The following PRKN variants were observed in gnomAD, a reference collection of about 807,000 sequenced individuals.
PRKN encodes the protein parkin RBR E3 ubiquitin protein ligase.
PRKN carries 56 observed loss-of-function variants against 59.5 expected under a neutral mutation model. The ratio of observed to expected loss-of-function variants is 0.94; its 90% CI spans 0.76 to 1.18. PRKN has a LOEUF of 1.18. Ranked by LOEUF, PRKN falls within the 50% of genes most tolerant of loss-of-function variation. PRKN has a pLI of 0.00. For missense variants in PRKN, 657 were observed against 596.4 expected, an observed-to-expected ratio of 1.10 and a Z score of -1.06; for synonymous variants, 250 against 222.1, an observed-to-expected ratio of 1.13 and a Z score of -1.12.
At chr6:161,496,409 G>A (rs1777750202) in intron 9 of PRKN, among the ~76,000 whole-genome samples, 1 of 152,252 alleles carries the variant, frequency 6.6e-6, no homozygotes, top group African/African-American at 2.4e-5. Context: ...ACTCGACACT[G>A]GGTAATTTAT....
chr6:162,276,707 C>A lies in PRKN; in HGVS notation c.172-13942G>T, dbSNP rs12153904. The stretch of plus-strand genomic sequence containing the variant: ...CAGAAGCTGGTGTGTGTGTGTGTGT[C>A]TGTGTGTGTGTGTGTGTGTGTATTT... On this transcript the variant is annotated intron_variant, in intron 2 of 11. Coordinates refer to ENST00000366898, the MANE Select transcript of PRKN (RefSeq NM_004562.3). Among the ~76,000 whole-genome samples, 96 of 144,524 alleles carry A rather than the reference C, an allele frequency of 6.6e-4. 1 individual carries two copies. The East Asian group carries it at 0.016, about 25-fold the overall frequency. 94.8% of individuals were successfully genotyped at this position (144,524 alleles called of 152,430 possible). A position where few individuals can be genotyped will look rare whatever the true frequency, so the allele number is the denominator to read the frequency against.
chr6:162,130,201 A>T (rs1562530403), intron 4 of PRKN, among the ~76,000 whole-genome samples: 1 of 151,702 alleles, frequency 6.6e-6, no homozygotes, highest in Non-Finnish European at 1.5e-5. Flanking sequence ...CACCTTTCGA[A>T]TGCCCACAAA....
chr6:161,613,096 G>A (rs1467779461), intron 7 of PRKN, among the ~76,000 whole-genome samples: 2 of 152,162 alleles, frequency 1.3e-5, no homozygotes, highest in Non-Finnish European at 2.9e-5. Context: ...AAACCTTCTG[G>A]AAAGGATTCA....
rs1415902228 is a variant in PRKN, at chr6:161,757,933, G to GTATATATATA, written c.871+27838_871+27839insTATATATATA. Among the ~76,000 whole-genome samples, 117 of 101,436 alleles carry GTATATATATA rather than the reference G, an allele frequency of 1.2e-3. 4 individuals are homozygous for GTATATATATA. The highest frequency in any genetic ancestry group is 1.1e-3 in the South Asian group (3 of 2,768). The allele number at this position is 101,436 out of a possible 152,430, so 66.5% of individuals were successfully genotyped here. ...CACACACACACACATCTCTCTCTCT[G>GTATATATATA]TATATATATGTATATATATATACAG... On this transcript the variant is annotated intron_variant, in intron 7 of 11. Transcript: ENST00000366898.
intron 7 of PRKN, among the ~76,000 whole-genome samples, chr6:161,615,063 T>C (rs771436144): frequency 6.6e-6 from 1 of 152,136 alleles, no homozygotes; most frequent in Admixed American, 6.6e-5. Context: ...AGAATGAAGA[T>C]GCAAAAATAT....
At position 161,355,567 on chromosome 6, in the gene PRKN, AT is replaced by A. The variant is rs371250115; in HGVS notation, c.1285+4520del. 6.1e-5 allele frequency among the ~76,000 whole-genome samples: 9 copies of A among 148,442 alleles called. No homozygotes were observed. Among genetic ancestry groups the A allele is most frequent in the South Asian group, 2.1e-4 (1 of 4,670 alleles). ...CAGGTGCCTGCCACCACACCTAGCT[AT>A]TTTTTTTTTGTATTTTTACTAGAGA... On this transcript the variant is annotated intron_variant, in intron 11 of 11. Transcript: ENST00000366898. The surrounding 1 kb of genome is among the most constrained non-coding windows in gnomAD (Gnocchi z 6.8).
At chr6:161,830,961 G>C (rs1175884769) in intron 6 of PRKN, among the ~76,000 whole-genome samples, 1 of 152,170 alleles carries the variant, frequency 6.6e-6, no homozygotes, top group Non-Finnish European at 1.5e-5. Flanking sequence ...ACCACAGCAA[G>C]GGACCAGGTC....
At chr6:161,820,606 C>T (rs1356225452) in intron 6 of PRKN, among the ~76,000 whole-genome samples, 2 of 145,988 alleles carry the variant, frequency 1.4e-5, no homozygotes, top group Non-Finnish European at 3.0e-5. Context: ...AATATAATTA[C>T]ATAATATACA....
rs149618829 is a variant in PRKN at position 161,359,532 on chromosome 6, C to T, written c.1285+556G>A. Among the ~76,000 whole-genome samples, 8 of 152,346 alleles carry T rather than the reference C, an allele frequency of 5.3e-5. No homozygotes were observed. The highest frequency in any genetic ancestry group is 8.8e-5 in the Non-Finnish European group (6 of 68,034). ...GTGCATCACATTGAGAAAGGGCTCT[C>T]GGACCACTGGTTGTGATGGCTTTGC... On this transcript the variant is annotated intron_variant, in intron 11 of 11. Transcript: ENST00000366898. The surrounding 1 kb of genome is among the most constrained non-coding windows in gnomAD (Gnocchi z 5.4).
At chr6:162,309,631 C>T (rs12663189) in intron 2 of PRKN, among the ~76,000 whole-genome samples, 64,515 of 151,888 alleles carry the variant, frequency 0.42, 15,294 homozygotes, top group Middle Eastern at 0.54. Context: ...TTACACTGTG[C>T]GTAAGCTGTA....
intron 7 of PRKN, among the ~76,000 whole-genome samples, chr6:161,753,745 G>A (rs976675977): frequency 5.9e-5 from 9 of 152,208 alleles, no homozygotes; most frequent in African/African-American, 1.9e-4. Flanking sequence ...TTCTCTCCTG[G>A]TAATGGGAAC....
chr6:162,203,474 A>G (rs918749486), intron 3 of PRKN, among the ~76,000 whole-genome samples: 1 of 152,154 alleles, frequency 6.6e-6, no homozygotes, highest in Admixed American at 6.6e-5. Flanking sequence ...AAATCTTGAG[A>G]GCCCCTCCAG....
chr6:162,710,820 G>A (rs1188705253), intron 1 of PRKN, among the ~76,000 whole-genome samples: 1 of 152,124 alleles, frequency 6.6e-6, no homozygotes, highest in East Asian at 1.9e-4. Flanking sequence ...GGAGAAAAAT[G>A]AACAGCTGAA....
At chr6:161,714,062 C>T (rs918343630) in intron 7 of PRKN, among the ~76,000 whole-genome samples, 14 of 152,134 alleles carry the variant, frequency 9.2e-5, no homozygotes, top group Non-Finnish European at 1.5e-4. Context: ...ATTATCCAGC[C>T]TCAGGTATGT....
At chr6:161,960,381 A>G (rs1178670545) in intron 6 of PRKN, among the ~76,000 whole-genome samples, 1 of 152,182 alleles carries the variant, frequency 6.6e-6, no homozygotes, top group Non-Finnish European at 1.5e-5. Flanking sequence ...AAGACATCCA[A>G]ATCTTAGCAG....
intron 1 of PRKN, among the ~76,000 whole-genome samples, chr6:162,443,771 T>C (rs759278630): frequency 3.9e-5 from 6 of 152,138 alleles, no homozygotes; most frequent in Middle Eastern, 3.2e-3. Context: ...ACTTGCTTGA[T>C]TGGAATTGAA....
intron 2 of PRKN, among the ~76,000 whole-genome samples, chr6:162,288,721 A>G (rs1343099140): frequency 6.6e-6 from 1 of 152,130 alleles, no homozygotes; most frequent in East Asian, 1.9e-4. Context: ...GCCCACAAAC[A>G]TGGAAATGGT....
In PRKN at chr6:161,352,288, A is replaced by T. The variant is rs928441065; in HGVS notation, c.1286-2077T>A. On this transcript the variant is annotated intron_variant, in intron 11 of 11. Transcript: ENST00000366898. This position sits in a 1 kb window ranked among gnomAD's most constrained non-coding sequence, Gnocchi z 5.8. The stretch of plus-strand genomic sequence containing the variant: ...TATTTATGAATATATAGGAATAGGC[A>T]TTTGTTTTAAGATAACTTGCCGACA... Among the ~76,000 whole-genome samples, 2 of 152,214 alleles carry T rather than the reference A, an allele frequency of 1.3e-5. No homozygotes were observed. Among genetic ancestry groups the T allele is most frequent in the African/African-American group, 4.8e-5 (2 of 41,452 alleles).
At chr6:162,161,943 T>C (rs1001293156) in intron 4 of PRKN, among the ~76,000 whole-genome samples, 5 of 152,168 alleles carry the variant, frequency 3.3e-5, no homozygotes, top group Non-Finnish European at 5.9e-5. Flanking sequence ...GTCATAGGTA[T>C]GCATGTATAG....
Sources: gnomAD v4.1 joint callset for allele counts (sites outside exome capture counted in the v4.1 genomes callset) on GRCh38, gnomAD v4.1.1 for gene constraint, Gnocchi (gnomAD v3.1) non-coding constraint, MANE v1.5 for transcripts, NCBI Gene and HGNC (gene_info 2026-07-23, HGNC 2026-07-21) for gene names.